FOCAD: variants seen among roughly 807,000 people sequenced by gnomAD.
FOCAD encodes focadhesin, also known as KIAA1797.
A neutral mutation model predicts 225.6 loss-of-function variants in FOCAD; 198 were observed. The ratio of observed to expected loss-of-function variants is 0.88; its 90% CI spans 0.78 to 0.99. The LOEUF (loss-of-function observed/expected upper bound fraction) is 0.99. FOCAD is among the 50% of genes least tolerant of loss of function. FOCAD has a pLI of 0.00. For missense variants in FOCAD, 2,713 were observed against 2,123.6 expected (o/e 1.28, Z -5.46); for synonymous variants, 897 against 755.0 (o/e 1.19, Z -3.08).
chr9:20,722,717 A>T (rs1825884053), intron 4 of FOCAD, among the ~76,000 whole-genome samples: 1 of 152,214 alleles, frequency 6.6e-6, no homozygotes, highest in African/African-American at 2.4e-5. Context: ...AGTAGTTTTG[A>T]GGAGAATTTT....
chr9:20,784,796 C>T (rs767265339), intron 10 of FOCAD, among the ~76,000 whole-genome samples: 1 of 152,044 alleles, frequency 6.6e-6, no homozygotes, highest in African/African-American at 2.4e-5. Context: ...TCAGAAAATT[C>T]GCAAGGAATT....
intron 11 of FOCAD, among the ~76,000 whole-genome samples, chr9:20,803,715 A>C (rs1822090308): frequency 6.6e-6 from 1 of 152,110 alleles, no homozygotes; most frequent in Non-Finnish European, 1.5e-5. Flanking sequence ...AAGAGAACTT[A>C]ATCTTGCAGA....
intron 22 of FOCAD, among the ~76,000 whole-genome samples, chr9:20,907,737 C>A (rs1587571408): frequency 6.6e-6 from 1 of 152,126 alleles, no homozygotes; most frequent in South Asian, 2.1e-4. Flanking sequence ...TGTCTCTGAC[C>A]CTGCCACTCC....
chr9:20,878,742 A>G (rs1284989953), intron 19 of FOCAD, among the ~76,000 whole-genome samples: 2 of 152,180 alleles, frequency 1.3e-5, no homozygotes, highest in South Asian at 2.1e-4. Context: ...GTGACAGACT[A>G]TCTGCAAGCT....
intron 9 of FOCAD, among the ~76,000 whole-genome samples, chr9:20,780,127 T>C (rs1049616031): frequency 3.9e-5 from 6 of 152,352 alleles, no homozygotes; most frequent in African/African-American, 1.2e-4. Flanking sequence ...AAGTGTTTTC[T>C]AGTAAATTTA....
At chr9:20,753,560 G>T (rs1025547231) in intron 5 of FOCAD, among the ~76,000 whole-genome samples, 24 of 151,904 alleles carry the variant, frequency 1.6e-4, no homozygotes, top group African/African-American at 4.3e-4. Flanking sequence ...GATTCGGTTT[G>T]CCAGTATTTT....
At chr9:20,661,904 C>A (rs757034779) in intron 2 of FOCAD, among the ~76,000 whole-genome samples, 1 of 151,912 alleles carries the variant, frequency 6.6e-6, no homozygotes, top group Non-Finnish European at 1.5e-5. Flanking sequence ...TCAAAAAATG[C>A]TGCTGTAAAA....
intron 11 of FOCAD, among the ~76,000 whole-genome samples, chr9:20,806,292 C>T (rs987862669): frequency 2.0e-5 from 3 of 152,136 alleles, no homozygotes; most frequent in Admixed American, 6.6e-5. Context: ...TTGAATGCTT[C>T]CTGCCTTCTC....
At chr9:20,815,562 C>T (rs1348858587) in intron 11 of FOCAD, among the ~76,000 whole-genome samples, 1 of 142,586 alleles carries the variant, frequency 7.0e-6, no homozygotes, top group African/African-American at 2.5e-5. Context: ...TTATTTCACT[C>T]CCTTCTTGCT....
At chr9:20,844,349 C>CTT (rs58468376) in intron 15 of FOCAD, among the ~76,000 whole-genome samples, 20,209 of 77,084 alleles carry the variant, frequency 0.26, 6,657 homozygotes, top group Non-Finnish European at 0.28. Flanking sequence ...AGGAAATTTC[C>CTT]TTTTTTTTTT....
At chr9:20,802,182 T>C (rs1289404372) in intron 11 of FOCAD, among the ~76,000 whole-genome samples, 1 of 152,180 alleles carries the variant, frequency 6.6e-6, no homozygotes, top group Non-Finnish European at 1.5e-5. Context: ...TTTTGGAAGC[T>C]GTGTCCTGTC....
intron 20 of FOCAD, among the ~76,000 whole-genome samples, chr9:20,884,631 T>C (rs569230832): frequency 6.6e-6 from 1 of 152,132 alleles, no homozygotes; most frequent in Non-Finnish European, 1.5e-5. Context: ...TTTAAATCTC[T>C]TGTGTTTTTT....
rs116581602 is a variant in FOCAD at position 20,878,310 on chromosome 9, C to T, written c.2317+3503C>T. On this transcript the variant is annotated intron_variant, in intron 19 of 43. Transcript: ENST00000338382. ...GGAGATTTCTTGTGTTTTTTGCCTG[C>T]GTTTTCATTTCTGTGATCTTCAAAA... Among the ~76,000 whole-genome samples, 885 of 152,160 alleles carry T rather than the reference C, an allele frequency of 5.8e-3. 6 individuals carry two copies. Among genetic ancestry groups the T allele is most frequent in the African/African-American group, 0.02 (835 of 41,530 alleles).
chr9:20,777,522 G>C (rs1333461885), intron 8 of FOCAD, among the ~76,000 whole-genome samples: 1 of 150,402 alleles, frequency 6.6e-6, no homozygotes, highest in Non-Finnish European at 1.5e-5. Flanking sequence ...TTTTCATTTT[G>C]TTTATATACT....
chr9:20,801,304 G>A (rs1018475569), intron 11 of FOCAD, among the ~76,000 whole-genome samples: 2 of 152,138 alleles, frequency 1.3e-5, no homozygotes, highest in African/African-American at 2.4e-5. Flanking sequence ...AAGCAATGCC[G>A]TTGAAATTAG....
chr9:20,735,219 C>T (rs575311090), intron 4 of FOCAD, among the ~76,000 whole-genome samples: 2 of 152,152 alleles, frequency 1.3e-5, no homozygotes, highest in African/African-American at 4.8e-5. Context: ...AACATTTTAT[C>T]TTAGACTCTC....
chr9:20,666,650 T>G (rs186031480), intron 2 of FOCAD, among the ~76,000 whole-genome samples: 1 of 152,296 alleles, frequency 6.6e-6, no homozygotes, highest in East Asian at 1.9e-4. Context: ...AATTAGAGCT[T>G]CTATACGGAT....
At chr9:20,980,345 T>G (rs1840582243) in intron 37 of FOCAD, among the ~76,000 whole-genome samples, 2 of 152,260 alleles carry the variant, frequency 1.3e-5, no homozygotes, top group South Asian at 4.1e-4. Flanking sequence ...CCCTGTTCTA[T>G]TCACTCCTTC....
At chr9:20,846,047 G>A (rs1436104711) in intron 15 of FOCAD, among the ~76,000 whole-genome samples, 1 of 152,074 alleles carries the variant, frequency 6.6e-6, no homozygotes, top group East Asian at 1.9e-4. Context: ...GCAAGGAGGA[G>A]TGCTCAGATA....
Sources: gnomAD v4.1 joint callset for allele counts (sites outside exome capture counted in the v4.1 genomes callset) on GRCh38, gnomAD v4.1.1 for gene constraint, MANE v1.5 for transcripts, NCBI Gene and HGNC (gene_info 2026-07-23, HGNC 2026-07-21) for gene names.